Variants in SLC39A8 observed in about 807,000 individuals in gnomAD.
The protein encoded by SLC39A8 is metal cation symporter ZIP8.
SLC39A8 carries 15 observed loss-of-function variants against 40.4 expected under a neutral mutation model. The ratio of observed to expected loss-of-function variants is 0.37; its 90% CI spans 0.25 to 0.57. SLC39A8 has a LOEUF of 0.57. Among genes scored for constraint, SLC39A8 ranks in the 20% least tolerant of loss-of-function variants. SLC39A8 has a pLI of 0.75. For missense variants in SLC39A8, 472 were observed against 558.8 expected (o/e 0.84, Z 1.57); for synonymous variants, 223 against 221.6 (o/e 1.01, Z -0.06).
intron 3 of SLC39A8, among the ~76,000 whole-genome samples, chr4:102,307,840 AT>A (rs1560552309): frequency 6.6e-6 from 1 of 152,132 alleles, no homozygotes; most frequent in African/African-American, 2.4e-5. Flanking sequence ...TCATTATGGG[AT>A]TAATGAGTTT....
chr4:102,315,566 G>T, intron 3 of SLC39A8, 102 bp downstream of exon 3: 1 of 996,880 alleles, frequency 1.0e-6, no homozygotes, highest in Non-Finnish European at 1.4e-6. Flanking sequence ...GTTCTATGTA[G>T]ATTAATTAAA....
chr4:102,253,908 T>C (rs1731651379), intron 11 of SLC39A8, among the ~76,000 whole-genome samples: 1 of 152,186 alleles, frequency 6.6e-6, no homozygotes, highest in African/African-American at 2.4e-5. Context: ...TCCTTTCTGC[T>C]TGTGGTAATG....
At chr4:102,255,227 C>G (rs1318630612) in intron 11 of SLC39A8, among the ~76,000 whole-genome samples, 1 of 152,054 alleles carries the variant, frequency 6.6e-6, no homozygotes, top group Non-Finnish European at 1.5e-5. Flanking sequence ...TATTTAACTG[C>G]TGTATTAATT....
At chr4:102,286,644 A>G (rs1245553144) in intron 6 of SLC39A8, among the ~76,000 whole-genome samples, 1 of 152,160 alleles carries the variant, frequency 6.6e-6, no homozygotes, top group African/African-American at 2.4e-5. Flanking sequence ...ATTTCTCTAG[A>G]TAATTGAGAA....
chr4:102,304,261 G>A (rs532465781), intron 6 of SLC39A8, 56 bp downstream of exon 6: 51 of 1,410,418 alleles, frequency 3.6e-5, no homozygotes, highest in South Asian at 3.3e-4. Context: ...AAACAGTCAT[G>A]TTTACACAGT....
intron 2 of SLC39A8, among the ~76,000 whole-genome samples, chr4:102,325,450 CACTT>C (rs1457182810): frequency 3.3e-5 from 5 of 152,170 alleles, no homozygotes; most frequent in Non-Finnish European, 1.5e-5. Context: ...CATACACACA[CACTT>C]ACGTTCACTC....
rs765325840 is a variant in SLC39A8 at position 102,267,834 on chromosome 4, A to C, written c.1048+38T>G. ...AAGTCTCATTCCACTGAAATCAAGA[A>C]GTAAGCAGACTTTTACAATATGAAC... On this transcript the variant is annotated intron_variant, in intron 7 of 8. Coordinates refer to ENST00000356736, the MANE Select transcript of SLC39A8 (RefSeq NM_001135146.2). 8.1e-6 allele frequency: 13 copies of C among 1,601,666 alleles called. 1 individual carries two copies. In the South Asian group the frequency reaches 1.4e-4, roughly 18 times the overall value.
At chr4:102,285,214 T>C (rs185192721) in intron 6 of SLC39A8, among the ~76,000 whole-genome samples, 66 of 152,314 alleles carry the variant, frequency 4.3e-4, no homozygotes, top group African/African-American at 1.5e-3. Flanking sequence ...TCTCTCTTTC[T>C]ACTTATTAGG....
At chr4:102,292,114 C>T (rs1733473278) in intron 6 of SLC39A8, among the ~76,000 whole-genome samples, 1 of 151,880 alleles carries the variant, frequency 6.6e-6, no homozygotes, top group Admixed American at 6.6e-5. Flanking sequence ...AGATTTAGAG[C>T]TCTATTACAC....
chr4:102,304,874 G>T, intron 5 of SLC39A8, 115 bp downstream of exon 5: 1 of 852,946 alleles, frequency 1.2e-6, no homozygotes, highest in Admixed American at 3.0e-5. Context: ...AAACTCACAA[G>T]CCTAATAACT....
At chr4:102,293,146 A>G in intron 6 of SLC39A8, among the ~76,000 whole-genome samples, 1 of 152,026 alleles carries the variant, frequency 6.6e-6, no homozygotes, top group East Asian at 1.9e-4. Context: ...CCCTAATTCT[A>G]AAAGTAGAAA....
chr4:102,277,494 G>T (rs1309703007), intron 6 of SLC39A8, among the ~76,000 whole-genome samples: 2 of 151,992 alleles, frequency 1.3e-5, no homozygotes, highest in African/African-American at 4.8e-5. Context: ...AAGAGAGGAC[G>T]CAAACAAATG....
chr4:102,298,421 T>C (rs982994968), intron 6 of SLC39A8, among the ~76,000 whole-genome samples: 8 of 152,074 alleles, frequency 5.3e-5, no homozygotes, highest in Non-Finnish European at 1.0e-4. Context: ...TGCCTCTAGT[T>C]ACTGTTTTTA....
chr4:102,284,036 C>G (rs1733036791), intron 6 of SLC39A8, among the ~76,000 whole-genome samples: 1 of 152,236 alleles, frequency 6.6e-6, no homozygotes, highest in African/African-American at 2.4e-5. Context: ...ACCACCCACA[C>G]TAACATAGTG....
intron 6 of SLC39A8, among the ~76,000 whole-genome samples, chr4:102,282,720 TTTTG>T (rs1162165888): frequency 2.6e-5 from 4 of 152,056 alleles, no homozygotes; most frequent in East Asian, 1.9e-4. Flanking sequence ...CAAGGCAGTT[TTTTG>T]TTTGTTTGTT....
rs1376309221 is a variant in SLC39A8 at position 102,267,806 on chromosome 4, G to A, written c.1048+66C>T. The A allele has an allele frequency of 1.3e-5, 20 of 1,573,916 alleles. No individual in the cohort carries two copies. The African/African-American group carries it at 2.2e-4, about 17-fold the overall frequency. On this transcript the variant is annotated intron_variant, in intron 7 of 8. Coordinates refer to ENST00000356736, the MANE Select transcript of SLC39A8 (RefSeq NM_001135146.2). ...GAAGGATTTTAAGAGCATGTCACCT[G>A]AAAAGTCTCATTCCACTGAAATCAA... is the stretch of plus-strand genomic sequence containing the variant.
intron 2 of SLC39A8, among the ~76,000 whole-genome samples, chr4:102,331,228 T>A (rs2149051372): frequency 6.6e-6 from 1 of 152,278 alleles, no homozygotes; most frequent in East Asian, 1.9e-4. Flanking sequence ...AAAGAAGCAG[T>A]CAAATTGTCT....
intron 6 of SLC39A8, among the ~76,000 whole-genome samples, chr4:102,272,616 C>A (rs1732419643): frequency 6.6e-6 from 1 of 151,970 alleles, no homozygotes; most frequent in Non-Finnish European, 1.5e-5. Context: ...AGTAATCTAT[C>A]TTATTTTTAT....
In SLC39A8 at chr4:102,344,926, G is replaced by A; in HGVS notation, c.-253-11C>T. 1.6e-6 allele frequency: 2 copies of A among 1,261,868 alleles called. No homozygotes were observed. Among genetic ancestry groups the A allele is most frequent in the Non-Finnish European group, 2.0e-6 (2 of 1,005,806 alleles). 78.2% of individuals were successfully genotyped at this position (1,261,868 alleles called of 1,614,324 possible). A position where few individuals can be genotyped will look rare whatever the true frequency, so the allele number is the denominator to read the frequency against. On this transcript the variant is annotated splice_polypyrimidine_tract_variant and intron_variant, in intron 1 of 8. Coordinates refer to ENST00000356736, the MANE Select transcript of SLC39A8 (RefSeq NM_001135146.2). Reference sequence around the variant, plus strand: ...GGCCTCCTGGAGAGCCTGAGATAAAGAGGACAAAGGGGGACAGAGATAAAG... The same window carrying A: ...GGCCTCCTGGAGAGCCTGAGATAAAAAGGACAAAGGGGGACAGAGATAAAG...
Sources: gnomAD v4.1 joint callset for allele counts (sites outside exome capture counted in the v4.1 genomes callset) on GRCh38, gnomAD v4.1.1 for gene constraint, MANE v1.5 for transcripts, NCBI Gene and HGNC (gene_info 2026-07-23, HGNC 2026-07-21) for gene names.